CSMD1: variants seen among roughly 807,000 people sequenced by gnomAD.
CSMD1 encodes the protein CUB and Sushi multiple domains 1.
In CSMD1, 213 loss-of-function variants were observed where a neutral mutation model predicts 417.5. The ratio of observed to expected loss-of-function variants is 0.51; its 90% CI spans 0.46 to 0.57. The LOEUF is 0.57. Among genes scored for constraint, CSMD1 ranks in the 20% least tolerant of loss-of-function variants. CSMD1 has a pLI of 0.00. For synonymous variants in CSMD1, 2,862 were observed against 1,736.8 expected (o/e 1.65, Z -16.11); for missense variants, 6,923 against 4,529.7 (o/e 1.53, Z -15.17).
chr8:4,175,868 G>C (rs771836020), intron 3 of CSMD1, among the ~76,000 whole-genome samples: 4 of 152,152 alleles, frequency 2.6e-5, no homozygotes, highest in Admixed American at 2.0e-4. Context: ...ATGTTACCAA[G>C]CGAGTAATGG....
intron 46 of CSMD1, among the ~76,000 whole-genome samples, chr8:3,102,167 A>G (rs1215483920): frequency 3.3e-5 from 5 of 152,206 alleles, no homozygotes; most frequent in African/African-American, 1.2e-4. Context: ...TGAAGAATTT[A>G]TTGGGAGATG....
chr8:4,260,909 C>A (rs539711449), intron 3 of CSMD1, among the ~76,000 whole-genome samples: 1 of 152,144 alleles, frequency 6.6e-6, no homozygotes, highest in African/African-American at 2.4e-5. Context: ...AGGAACACCA[C>A]GGTTATTTTA....
At chr8:3,050,270 G>C (rs1375263489) in intron 50 of CSMD1, among the ~76,000 whole-genome samples, 2 of 152,170 alleles carry the variant, frequency 1.3e-5, no homozygotes, top group South Asian at 2.1e-4. Flanking sequence ...ATAGGATTTA[G>C]AACAAGAGGG....
intron 5 of CSMD1, among the ~76,000 whole-genome samples, chr8:3,826,541 C>A (rs1802064542): frequency 1.3e-5 from 2 of 152,096 alleles, no homozygotes; most frequent in Admixed American, 1.3e-4. Flanking sequence ...TCTTCCAAGT[C>A]CCGGCTGATA....
chr8:3,556,927 C>G (rs1799182480), intron 10 of CSMD1, among the ~76,000 whole-genome samples: 1 of 152,132 alleles, frequency 6.6e-6, no homozygotes, highest in Admixed American at 6.5e-5. Flanking sequence ...ATGCAGTTTT[C>G]AAACACACAC....
chr8:4,128,606 A>C (rs901379750), intron 3 of CSMD1, among the ~76,000 whole-genome samples: 9 of 152,280 alleles, frequency 5.9e-5, no homozygotes, highest in Non-Finnish European at 1.2e-4. Context: ...CATTGTTACA[A>C]AGCCCATGCT....
At chr8:4,761,907 CTATCAATCTATCTATCTATCTAT>C (rs1812124604) in intron 1 of CSMD1, among the ~76,000 whole-genome samples, 9 of 121,674 alleles carry the variant, frequency 7.4e-5, no homozygotes, top group Admixed American at 5.5e-4. Context: ...ATCTATCTAT[CTATCAATCTATCTATCTATCTAT>C]CTATCTATCT....
intron 3 of CSMD1, among the ~76,000 whole-genome samples, chr8:4,237,978 T>C (rs1377501730): frequency 6.6e-6 from 1 of 152,134 alleles, no homozygotes; most frequent in Non-Finnish European, 1.5e-5. Flanking sequence ...TGGCTCAGGG[T>C]GACAGAGGCA....
intron 36 of CSMD1, among the ~76,000 whole-genome samples, chr8:3,185,624 G>C (rs1269547813): frequency 2.0e-5 from 3 of 152,150 alleles, no homozygotes; most frequent in Non-Finnish European, 2.9e-5. Context: ...ACTTGTGATA[G>C]TTACTCGAGG....
At chr8:3,642,099 C>G (rs1031047894) in intron 7 of CSMD1, among the ~76,000 whole-genome samples, 3 of 152,058 alleles carry the variant, frequency 2.0e-5, no homozygotes, top group South Asian at 2.1e-4. Flanking sequence ...GCAGATACAG[C>G]CTACAGCCAC....
chr8:4,781,870 G>A (rs1233922950), intron 1 of CSMD1, among the ~76,000 whole-genome samples: 1 of 152,278 alleles, frequency 6.6e-6, no homozygotes, highest in East Asian at 1.9e-4. Context: ...GAGAGGGTCA[G>A]GAACATGGAG....
At chr8:3,831,236 A>G (rs1173290913) in intron 5 of CSMD1, among the ~76,000 whole-genome samples, 3 of 152,188 alleles carry the variant, frequency 2.0e-5, no homozygotes, top group Non-Finnish European at 4.4e-5. Context: ...TAAAAAAAAC[A>G]AAGTTTTGAG....
chr8:4,472,071 T>A (rs1800566128), intron 2 of CSMD1, among the ~76,000 whole-genome samples: 1 of 152,218 alleles, frequency 6.6e-6, no homozygotes, highest in Non-Finnish European at 1.5e-5. Context: ...GCTGGGAAAC[T>A]TGTTCGACAC....
intron 2 of CSMD1, among the ~76,000 whole-genome samples, chr8:4,551,484 G>C (rs1303001962): frequency 6.6e-6 from 1 of 152,006 alleles, no homozygotes; most frequent in African/African-American, 2.4e-5. Flanking sequence ...TGATATTTTA[G>C]TTTGCAGAAA....
In CSMD1 at chr8:4,877,979, G is replaced by A. The variant is rs539188960; in HGVS notation, c.85+116353C>T. ...CTATAATCCAAACACATATGTATGT[G>A]CACACCCATGACCCTGTTCAGAAAT... On this transcript the variant is annotated intron_variant, in intron 1 of 69. Coordinates refer to ENST00000635120, the MANE Select transcript of CSMD1 (RefSeq NM_033225.6). Among the ~76,000 whole-genome samples, 32 of 152,174 alleles carry A rather than the reference G, an allele frequency of 2.1e-4. No individual in the cohort carries two copies. The East Asian group carries it at 2.5e-3, about 12-fold the overall frequency.
intron 6 of CSMD1, among the ~76,000 whole-genome samples, chr8:3,742,340 T>C (rs1009217712): frequency 2.6e-5 from 4 of 152,162 alleles, no homozygotes; most frequent in Non-Finnish European, 5.9e-5. Context: ...ATAACTTACA[T>C]TAACATTTCA....
At chr8:3,528,093 G>C (rs187416660) in intron 10 of CSMD1, among the ~76,000 whole-genome samples, 33 of 152,236 alleles carry the variant, frequency 2.2e-4, no homozygotes, top group African/African-American at 7.0e-4. Flanking sequence ...ACTGATACAG[G>C]GGGAAATGAG....
At chr8:4,899,216 G>C (rs907101550) in intron 1 of CSMD1, among the ~76,000 whole-genome samples, 1 of 152,184 alleles carries the variant, frequency 6.6e-6, no homozygotes, top group Non-Finnish European at 1.5e-5. Context: ...AACATCATTT[G>C]AAGCAAATAC....
intron 11 of CSMD1, among the ~76,000 whole-genome samples, chr8:3,471,666 C>CTT (rs879623482): frequency 0.041 from 5,674 of 137,404 alleles, 158 homozygotes; most frequent in East Asian, 0.15. Context: ...CTTCCTTTCC[C>CTT]TCCCTCCCTC....
Sources: allele counts gnomAD v4.1 joint callset (sites outside exome capture counted in the v4.1 genomes callset), GRCh38; gene constraint gnomAD v4.1.1; transcripts MANE v1.5; gene names NCBI Gene and HGNC (gene_info 2026-07-23, HGNC 2026-07-21).